The following BTD variants were observed in gnomAD, a reference collection of about 807,000 sequenced individuals.
BTD encodes the protein biotinidase, also known as biocytinase.
Under a neutral mutation model 17.7 loss-of-function variants are expected in BTD, and 13 were observed. That is an observed-to-expected ratio of 0.74 (90% confidence interval 0.48 to 1.17). The LOEUF (loss-of-function observed/expected upper bound fraction) is 1.17. BTD is among the 50% of genes most tolerant of loss of function. The pLI, the probability that BTD is intolerant of heterozygous loss-of-function variation, is 0.00. For synonymous variants in BTD, 240 were observed against 245.2 expected (o/e 0.98, Z 0.20); for missense variants, 674 against 650.4 (o/e 1.04, Z -0.39).
chr3:15,695,313 C>T (rs551296823), intron 3 of BTD: 30 of 878,480 alleles, frequency 3.4e-5, no homozygotes, highest in Admixed American at 2.3e-4. Context: ...ACCCTAAACC[C>T]GTGCTTCCTT....
chr3:15,686,536 C>G, intron 3 of BTD: 1 of 546,676 alleles, frequency 1.8e-6, no homozygotes, highest in Non-Finnish European at 3.3e-6. Context: ...ACCGCCTACC[C>G]AGCACCCATG....
At chr3:15,668,902 C>G (rs1160213003) in intron 3 of BTD, 2 of 152,526 alleles carry the variant, frequency 1.3e-5, no homozygotes, top group East Asian at 3.8e-4. Flanking sequence ...AGAACTTTAC[C>G]CATACCTGTA....
intron 3 of BTD, among the ~76,000 whole-genome samples, chr3:15,643,043 A>T (rs202080346): frequency 1.1e-4 from 10 of 89,586 alleles, no homozygotes; most frequent in African/African-American, 5.4e-4. Context: ...AAAAAAAAAA[A>T]ATAAAATAAA....
Position 15,663,890 on chromosome 3 carries a change from T to TA in BTD, c.399+21834dup, listed in dbSNP as rs977156842. On this transcript the variant is annotated intron_variant, in intron 3 of 3. Coordinates refer to the BTD transcript ENST00000672141. ...TCTCTAGTTTCCTAAGGTGAACACA[T>TA]ACATGACTGATTTTAGAACATTTCT... is the stretch of plus-strand genomic sequence containing the variant. 1.2e-3 allele frequency among the ~76,000 whole-genome samples: 182 copies of TA among 152,168 alleles called. 3 individuals carry two copies. The highest frequency in any genetic ancestry group is 1.3e-3 in the Non-Finnish European group (87 of 67,982).
chr3:15,666,385 G>A (rs1366961265), intron 3 of BTD, among the ~76,000 whole-genome samples: 1 of 120,010 alleles, frequency 8.3e-6, no homozygotes, highest in African/African-American at 3.3e-5. Context: ...AGGTGACCTT[G>A]GGCAAACACT....
At chr3:15,694,637 G>T in intron 3 of BTD, 1 of 898,524 alleles carries the variant, frequency 1.1e-6, no homozygotes, top group Non-Finnish European at 1.7e-6. Context: ...ACTATTACAT[G>T]GACCAAAAGT....
At chr3:15,666,319 AC>A (rs1559291283) in intron 3 of BTD, among the ~76,000 whole-genome samples, 1 of 152,216 alleles carries the variant, frequency 6.6e-6, no homozygotes, top group Non-Finnish European at 1.5e-5. Flanking sequence ...GGTTAAGAGC[AC>A]CGACAATGGA....
intron 2 of BTD, among the ~76,000 whole-genome samples, chr3:15,639,412 C>G (rs1209238692): frequency 6.6e-6 from 1 of 151,842 alleles, no homozygotes; most frequent in East Asian, 1.9e-4. Context: ...AATTAAGGAA[C>G]CAGTAAGATG....
At chr3:15,628,985 A>G (rs2065137571) in intron 1 of BTD, among the ~76,000 whole-genome samples, 1 of 152,194 alleles carries the variant, frequency 6.6e-6, no homozygotes, top group Non-Finnish European at 1.5e-5. Context: ...TGCCATAGCT[A>G]AGACAAGCAC....
chr3:15,664,122 G>A (rs747526435), intron 3 of BTD, among the ~76,000 whole-genome samples: 11 of 152,152 alleles, frequency 7.2e-5, no homozygotes, highest in East Asian at 1.9e-4. Flanking sequence ...GGCTGGTCTC[G>A]ATGTTCACTA....
At position 15,642,047 on chromosome 3, in the gene BTD, A is replaced by T. The variant is rs370687019; in HGVS notation, c.389A>T (p.Asn130Ile). 2 of 1,614,060 alleles carry T rather than the reference A, an allele frequency of 1.2e-6. No individual in the cohort carries two copies. The highest frequency in any genetic ancestry group is 1.7e-5 in the Admixed American group (1 of 59,998). Residue 130 changes from asparagine (N) to isoleucine (I), a missense_variant, in exon 3 of 4, where the codon AAT (asparagine) becomes ATT (isoleucine). Physicochemically the swap from Asn to Ile is moderately radical, Grantham distance 149. Coordinates refer to ENST00000643237, the MANE Select transcript of BTD (RefSeq NM_001370658.1). Reference sequence around the variant, plus strand: ...CCATGCCTGGAGCCTCACCGCTTCAATGACACAGAGGTGATTCCTGCCTTT... The same window carrying T: ...CCATGCCTGGAGCCTCACCGCTTCATTGACACAGAGGTGATTCCTGCCTTT... ...WNPCLEPHRF[N>I]DTEVLQRLSC...
intron 3 of BTD, 79 bp from the exon 4 acceptor site, chr3:15,644,237 T>G (rs1231110508): frequency 1.4e-6 from 2 of 1,451,592 alleles, no homozygotes; most frequent in East Asian, 4.8e-5. Context: ...CCTGACCTCA[T>G]GATCCACCCG....
chr3:15,700,174 G>A (rs538513750), intron 3 of BTD, among the ~76,000 whole-genome samples: 7 of 152,284 alleles, frequency 4.6e-5, no homozygotes, highest in African/African-American at 1.7e-4. Flanking sequence ...TCATACGTGG[G>A]AGCTGAACAA....
Position 15,645,718 on chromosome 3 carries a change from T to C in BTD, c.*230T>C. 1.9e-6 allele frequency: 1 copy of C among 532,080 alleles called. No individual in the cohort carries two copies. The highest frequency in any genetic ancestry group is 3.3e-6 in the Non-Finnish European group (1 of 301,516). The allele number at this position is 532,080 out of a possible 1,614,324, so 33.0% of individuals were successfully genotyped here. A position where few individuals can be genotyped will look rare whatever the true frequency, so the allele number is the denominator to read the frequency against. On this transcript the variant is annotated 3_prime_UTR_variant, in exon 4 of 4. Coordinates refer to ENST00000643237, the MANE Select transcript of BTD (RefSeq NM_001370658.1). Reference sequence around the variant, plus strand: ...ATTAGGGGGTATTTTCTGTTCACATTTATCTTTTTCAAGCCACATCTTCCT... The same window carrying C: ...ATTAGGGGGTATTTTCTGTTCACATCTATCTTTTTCAAGCCACATCTTCCT...
intron 1 of BTD, among the ~76,000 whole-genome samples, chr3:15,625,917 A>C (rs2065056592): frequency 6.6e-6 from 1 of 152,054 alleles, no homozygotes; most frequent in Non-Finnish European, 1.5e-5. Context: ...TTTATGATTT[A>C]TTTTCTTGTT....
chr3:15,602,339 C>A, intron 1 of BTD: 1 of 1,041,898 alleles, frequency 9.6e-7, no homozygotes, highest in East Asian at 7.3e-5. Flanking sequence ...TTCTCCAGCC[C>A]TTGCTACTAA....
chr3:15,680,205 ATATTAT>A (rs201388318), intron 3 of BTD, among the ~76,000 whole-genome samples: 1,993 of 152,100 alleles, frequency 0.013, 18 homozygotes, highest in Non-Finnish European at 0.02. Flanking sequence ...CATATATGAA[ATATTAT>A]TATTATTATT....
chr3:15,611,558 A>C (rs2064630155), intron 1 of BTD, among the ~76,000 whole-genome samples: 1 of 152,028 alleles, frequency 6.6e-6, no homozygotes, highest in East Asian at 1.9e-4. Context: ...GAGGGTGGAG[A>C]ATGGGAGGGA....
At chr3:15,620,440 A>G (rs1166575085) in intron 1 of BTD, among the ~76,000 whole-genome samples, 2 of 152,224 alleles carry the variant, frequency 1.3e-5, no homozygotes, top group Non-Finnish European at 2.9e-5. Context: ...GCAAGAAGAA[A>G]AATGTGGCTC....
Sources: gnomAD v4.1 joint callset for allele counts (sites outside exome capture counted in the v4.1 genomes callset) on GRCh38, gnomAD v4.1.1 for gene constraint, MANE v1.5 for transcripts, NCBI Gene and HGNC (gene_info 2026-07-23, HGNC 2026-07-21) for gene names.